Variants in THBS3 observed in about 807,000 individuals in gnomAD.
THBS3 encodes the protein thrombospondin 3.
Under a neutral mutation model 118.3 loss-of-function variants are expected in THBS3, and 78 were observed. The ratio of observed to expected loss-of-function variants is 0.66; its 90% CI spans 0.55 to 0.80. THBS3 has a LOEUF of 0.80. Among genes scored for constraint, THBS3 ranks in the 30% least tolerant of loss-of-function variants. The pLI is 0.00. For missense variants in THBS3, 1,057 were observed against 1,247.4 expected (o/e 0.85, Z 2.30); for synonymous variants, 427 against 475.3 (o/e 0.90, Z 1.32).
chr1:155,198,688 T>A (rs1669112920), intron 16 of THBS3, 86 bp from the exon 17 acceptor site: 1 of 1,392,700 alleles, frequency 7.2e-7, no homozygotes. Flanking sequence ...CTCTGGAGCC[T>A]GCTCTCCATA....
rs1669465241 is a variant in THBS3 at position 155,200,134 on chromosome 1, A to G, written c.1709-21T>C. The G allele has an allele frequency of 3.9e-6, 6 of 1,522,070 alleles. No individual in the cohort carries two copies. In the East Asian group the frequency reaches 6.8e-5, roughly 17 times the overall value. The allele number at this position is 1,522,070 out of a possible 1,614,324, so 94.3% of individuals were successfully genotyped here. A position where few individuals can be genotyped will look rare whatever the true frequency, so the allele number is the denominator to read the frequency against. On this transcript the variant is annotated intron_variant, in intron 14 of 22. Coordinates refer to ENST00000368378, the MANE Select transcript of THBS3 (RefSeq NM_007112.5). ...GATGCCTAGAAGACATGGGTAGCAC[A>G]AGGTTGTTACTAGAACATGCCATAT...
chr1:155,202,279 A>G lies in THBS3; in HGVS notation c.1080T>C (p.Tyr360=), dbSNP rs879850052. Residue 360 remains tyrosine, a synonymous_variant, in exon 9 of 23, where the codon TAT becomes TAC. Coordinates refer to ENST00000368378, the MANE Select transcript of THBS3 (RefSeq NM_007112.5). The surrounding 1 kb of genome is among the most constrained non-coding windows in gnomAD (Gnocchi z 5.5). ...GTCTGACCTGTTTGCTGGCCCGGGC[A>G]TAGTCAATGCCCACACCAGACACCT... ...GTQVSGVGID[Y]ARASKQVCND... 1.9e-6 allele frequency: 3 copies of G among 1,614,034 alleles called. No individual in the cohort carries two copies. The Admixed American group carries it at 5.0e-5, about 27-fold the overall frequency.
intron 16 of THBS3, among the ~76,000 whole-genome samples, chr1:155,198,949 GTC>G (rs1021936342): frequency 6.6e-6 from 1 of 152,056 alleles, no homozygotes; most frequent in African/African-American, 2.4e-5. Flanking sequence ...ATGAAACCCT[GTC>G]TCTACTAAAA....
chr1:155,207,046 C>T (rs1202981234), intron 1 of THBS3, among the ~76,000 whole-genome samples: 1 of 152,154 alleles, frequency 6.6e-6, no homozygotes, highest in Non-Finnish European at 1.5e-5. Context: ...CTGTGCTGAT[C>T]CCCCACAGGA....
At chr1:155,199,734 G>C (rs577172747) in intron 16 of THBS3, 70 bp downstream of exon 16, 8 of 1,561,422 alleles carry the variant, frequency 5.1e-6, no homozygotes, top group Non-Finnish European at 7.0e-6. Flanking sequence ...CAGCCTAGGT[G>C]ACAGAGCAAG....
intron 13 of THBS3, 54 bp downstream of exon 13, chr1:155,200,843 G>A: frequency 3.7e-6 from 6 of 1,613,496 alleles, no homozygotes; most frequent in Non-Finnish European, 5.1e-6. Context: ...GAGGCACAGA[G>A]AGGACAGGAG....
upstream of THBS3, chr1:155,208,967 TC>T: frequency 6.2e-7 from 1 of 1,607,712 alleles, no homozygotes; most frequent in South Asian, 1.1e-5. Flanking sequence ...GGTTCGGGGC[TC>T]CACTTGGACG....
At position 155,202,845 on chromosome 1, in the gene THBS3, C is replaced by T. The variant is rs1247285391; in HGVS notation, c.924G>A (p.Gln308=). The change falls in exon 8 of 23, where the codon CAG becomes CAA. Residue 308 remains glutamine (Q), a synonymous_variant. Coordinates refer to ENST00000368378, the MANE Select transcript of THBS3 (RefSeq NM_007112.5). The surrounding 1 kb of genome is among the most constrained non-coding windows in gnomAD (Gnocchi z 5.5). ...YRCGPCPPGL[Q]GNGTHCSDIN... is the part of the protein sequence containing the mutation. ...TGTCACTGCAGTGGGTGCCGTTGCCCTGCAGGCCAGGGGGGCAGGGCCCAC... is the reference window on the plus strand; with the variant it reads ...TGTCACTGCAGTGGGTGCCGTTGCCTTGCAGGCCAGGGGGGCAGGGCCCAC... 3 of 1,613,378 alleles carry T rather than the reference C, an allele frequency of 1.9e-6. No homozygotes were observed. Among genetic ancestry groups the T allele is most frequent in the African/African-American group, 2.7e-5 (2 of 74,940 alleles).
rs1280130085 is a variant in THBS3, at chr1:155,206,150, G to A, written c.286+50C>T. 6.3e-7 allele frequency: 1 copy of A among 1,590,984 alleles called. No individual in the cohort carries two copies. Among genetic ancestry groups the A allele is most frequent in the Admixed American group, 1.7e-5 (1 of 59,784 alleles). On this transcript the variant is annotated intron_variant, in intron 2 of 22. Transcript: ENST00000368378. This position sits in a 1 kb window ranked among gnomAD's most constrained non-coding sequence, Gnocchi z 4.2. ...GCACTTGGGAAGTAGGGATGAGGGAGAGTGCTTAAGGAGGTCACCATTGCA... is the reference window on the plus strand; with the variant it reads ...GCACTTGGGAAGTAGGGATGAGGGAAAGTGCTTAAGGAGGTCACCATTGCA...
At chr1:155,200,284 C>T (rs1669498090) in intron 14 of THBS3, 167 bp downstream of exon 14, 7 of 1,010,322 alleles carry the variant, frequency 6.9e-6, no homozygotes, top group Non-Finnish European at 8.8e-6. Context: ...TACGCCCTAC[C>T]TCACATTCCT....
rs551799706 is a variant in THBS3 at position 155,202,197 on chromosome 1, A to C, written c.1098+64T>G. 1.0e-4 allele frequency: 165 copies of C among 1,596,028 alleles called. No homozygotes were observed. The South Asian group carries it at 1.8e-3, about 18-fold the overall frequency. ...ATTCATCACAAGGGTCCCATGTCCA[A>C]CCCAGAAGCCCCTGGCCTCTACAAG... On this transcript the variant is annotated intron_variant, in intron 9 of 22. Transcript: ENST00000368378. The surrounding 1 kb of genome is among the most constrained non-coding windows in gnomAD (Gnocchi z 5.5).
At position 155,197,337 on chromosome 1, in the gene THBS3, G is replaced by A; in HGVS notation, c.2500-124C>T. 1.3e-6 allele frequency: 2 copies of A among 1,523,392 alleles called. No individual in the cohort carries two copies. The highest frequency in any genetic ancestry group is 1.8e-6 in the Non-Finnish European group (2 of 1,121,444). 94.4% of individuals were successfully genotyped at this position (1,523,392 alleles called of 1,614,324 possible). On this transcript the variant is annotated intron_variant, in intron 20 of 22. Transcript: ENST00000368378. The surrounding 1 kb of genome is among the most constrained non-coding windows in gnomAD (Gnocchi z 5.0). ...CATGAAAATGCCCTGGGGCCCCAGAGAGCCGGCCTCCAAGCCAGATGTCTG... is the reference window on the plus strand; with the variant it reads ...CATGAAAATGCCCTGGGGCCCCAGAAAGCCGGCCTCCAAGCCAGATGTCTG...
chr1:155,200,491 A>G lies in THBS3; in HGVS notation c.1668T>C (p.Asn556=), dbSNP rs1669529015. ...PNNDQKDTDG[N]GEGDACDNDV... Reference sequence around the variant, plus strand: ...CGTTGTCACAGGCATCTCCTTCCCCATTGCCATCTGTGTCCTTCTGGTCAT... The same window carrying G: ...CGTTGTCACAGGCATCTCCTTCCCCGTTGCCATCTGTGTCCTTCTGGTCAT... The change falls in exon 14 of 23, where the codon AAT becomes AAC. Residue 556 remains asparagine (N), a synonymous_variant. Coordinates refer to ENST00000368378, the MANE Select transcript of THBS3 (RefSeq NM_007112.5). The G allele has an allele frequency of 6.2e-7, 1 of 1,613,744 alleles. No homozygotes were observed.
chr1:155,208,849 C>G (rs759037263), upstream of THBS3: 14 of 1,597,120 alleles, frequency 8.8e-6, no homozygotes, highest in Middle Eastern at 1.7e-4. Context: ...CGGGGACGAG[C>G]CCCAAGGGGC....
At position 155,197,481 on chromosome 1, in the gene THBS3, C is replaced by T. The variant is rs1668868432; in HGVS notation, c.2481G>A (p.Gln827=). 2 of 1,613,330 alleles carry T rather than the reference C, an allele frequency of 1.2e-6. No homozygotes were observed. The highest frequency in any genetic ancestry group is 4.5e-5 in the East Asian group (2 of 44,878). The part of the protein sequence containing the change: ...WQATPFRAVA[Q]PGLQLKAVTS... ...TGGGGACCTTGAGCTGCAGCCCGGGCTGGGCAACCGCCCGGAAGGGTGTAG... is the reference window on the plus strand; with the variant it reads ...TGGGGACCTTGAGCTGCAGCCCGGGTTGGGCAACCGCCCGGAAGGGTGTAG... Residue 827 remains glutamine, a synonymous_variant, in exon 20 of 23, where the codon CAG becomes CAA. Coordinates refer to ENST00000368378, the MANE Select transcript of THBS3 (RefSeq NM_007112.5). This position sits in a 1 kb window ranked among gnomAD's most constrained non-coding sequence, Gnocchi z 5.0.
chr1:155,201,522 C>G lies in THBS3; in HGVS notation c.1224G>C (p.Gln408His). 8.7e-6 allele frequency: 14 copies of G among 1,614,130 alleles called. No homozygotes were observed. The highest frequency in any genetic ancestry group is 1.2e-5 in the Non-Finnish European group (14 of 1,180,008). ...TCCGGGCTGGGAGGCAGCCCTGGCT[C>G]TGGTTGCCCAGGAAACCCAGGCGGC... ...GPCRLGFLGN[Q>H]SQGCLPARTC... Residue 408 changes from glutamine (Q) to histidine (H), a missense_variant, in exon 11 of 23, where the codon CAG becomes CAC. Coordinates refer to ENST00000368378, the MANE Select transcript of THBS3 (RefSeq NM_007112.5).
rs1198951466 is a variant in THBS3 at position 155,201,170 on chromosome 1, C to G, written c.1364G>C (p.Cys455Ser). The change falls in exon 12 of 23, where the codon TGT becomes TCT. Residue 455 changes from cysteine to serine, a missense_variant. Transcript: ENST00000368378. The stretch of plus-strand genomic sequence containing the variant: ...GCCATCGATGTCTGTGTCAGTCCCA[C>G]ACACGTTCCCATTCCCAGCCCAGCC... ...NVGWAGNGNVCGTDTDIDGYP... is the reference protein window; with the variant it reads ...NVGWAGNGNVSGTDTDIDGYP... The G allele has an allele frequency of 6.2e-7, 1 of 1,614,180 alleles. No homozygotes were observed. Among genetic ancestry groups the G allele is most frequent in the East Asian group, 2.2e-5 (1 of 44,894 alleles).
At chr1:155,207,961 G>A, upstream of THBS3, 3 of 1,124,664 alleles carry the variant, frequency 2.7e-6, no homozygotes, top group Non-Finnish European at 3.7e-6. Context: ...CCGGGGGGCG[G>A]AGGGACAGAA....
At position 155,198,480 on chromosome 1, in the gene THBS3, A is replaced by T; in HGVS notation, c.2003T>A (p.Ile668Asn). The change falls in exon 17 of 23, where the codon ATC (isoleucine) becomes AAC (asparagine). Residue 668 changes from isoleucine (I) to asparagine (N), a missense_variant. Physicochemically the swap from Ile to Asn is moderately radical, Grantham distance 149. Coordinates refer to ENST00000368378, the MANE Select transcript of THBS3 (RefSeq NM_007112.5). ...GGGACCAGGAGGCACATAATCTGGG[A>T]TGCCATCATTGTCATCATCCCCATC... ...ECDGDDDNDG[I>N]PDYVPPGPDN... 1 of 1,614,218 alleles carries T rather than the reference A, an allele frequency of 6.2e-7. No homozygotes were observed.
Sources: gnomAD v4.1 joint callset for allele counts (sites outside exome capture counted in the v4.1 genomes callset) on GRCh38, gnomAD v4.1.1 for gene constraint, Gnocchi (gnomAD v3.1) non-coding constraint, MANE v1.5 for transcripts, NCBI Gene and HGNC (gene_info 2026-07-23, HGNC 2026-07-21) for gene names.